The following PCLO variants were observed in gnomAD, a reference collection of about 807,000 sequenced individuals.
PCLO encodes piccolo presynaptic cytomatrix protein, also known as protein piccolo.
Under a neutral mutation model 427.5 loss-of-function variants are expected in PCLO, and 82 were observed. That is an observed-to-expected ratio of 0.19 (90% confidence interval 0.16 to 0.23). The LOEUF (loss-of-function observed/expected upper bound fraction) is 0.23, where lower values mean the gene tolerates loss of function less well. Ranked by LOEUF, PCLO falls within the 10% of genes least tolerant of loss-of-function variation. PCLO has a pLI of 1.00. For missense variants in PCLO, 6,239 were observed against 6,115.9 expected, an observed-to-expected ratio of 1.02 and a Z score of -0.67; for synonymous variants, 2,357 against 2,155.4, an observed-to-expected ratio of 1.09 and a Z score of -2.59.
At chr7:82,938,530 T>C (rs1795008201) in intron 6 of PCLO, among the ~76,000 whole-genome samples, 2 of 151,932 alleles carry the variant, frequency 1.3e-5, no homozygotes, top group South Asian at 2.1e-4. Context: ...CAAAAACTTA[T>C]TGGGGCAGCT....
At chr7:82,923,173 G>C (rs1417760062) in intron 6 of PCLO, among the ~76,000 whole-genome samples, 2 of 152,122 alleles carry the variant, frequency 1.3e-5, no homozygotes, top group East Asian at 1.9e-4. Flanking sequence ...GATTGATTAA[G>C]ATATAACAGG....
At position 82,916,787 on chromosome 7, in the gene PCLO, G is replaced by C. The variant is rs752991116; in HGVS notation, c.11199C>G (p.Ser3733=). The C allele has an allele frequency of 1.4e-5, 23 of 1,613,480 alleles. No homozygotes were observed. The South Asian group carries it at 2.4e-4, about 17-fold the overall frequency. ...TGCTGAATGTGGATTGAGTTCCTGT[G>C]GAAATCTCCTCAGGAGGTGGATTTG... ...TLPNPPPEEI[S]TGTQSTFSTM... is the part of the protein sequence containing the mutation. The change falls in exon 7 of 25, where the codon TCC becomes TCG. Residue 3733 remains serine, a synonymous_variant. Coordinates refer to ENST00000333891, the MANE Select transcript of PCLO (RefSeq NM_033026.6).
chr7:82,768,132 A>T (rs974463513), intron 22 of PCLO, among the ~76,000 whole-genome samples: 9 of 152,154 alleles, frequency 5.9e-5, no homozygotes, highest in Non-Finnish European at 1.2e-4. Context: ...AAATTAAAAC[A>T]TAGTATTAGG....
chr7:83,025,323 C>G (rs1486476813), intron 3 of PCLO, among the ~76,000 whole-genome samples: 1 of 150,698 alleles, frequency 6.6e-6, no homozygotes, highest in Non-Finnish European at 1.5e-5. Flanking sequence ...GCCTCAGGAG[C>G]CGATGCGATC....
At chr7:83,026,892 G>A (rs1181029338) in intron 3 of PCLO, among the ~76,000 whole-genome samples, 1 of 143,820 alleles carries the variant, frequency 7.0e-6, no homozygotes, top group Non-Finnish European at 1.5e-5. Flanking sequence ...AAATAAAGAT[G>A]TTCTTTGAAA....
In PCLO at chr7:82,847,171, C is replaced by A. The variant is rs752377609; in HGVS notation, c.13731G>T (p.Gln4577His). The change falls in exon 11 of 25, where the codon CAG becomes CAT. Residue 4577 changes from glutamine to histidine, a missense_variant. This residue lies in a region of PCLO where 877 missense variants were observed against 925.5 expected (regional missense o/e 0.95). Transcript: ENST00000333891. ...CACATATTTCTGCTTCCCCACTTTG[C>A]TGACTAATGATACTCTGAACTTCTT... is the stretch of plus-strand genomic sequence containing the variant. ...TYEEVQSIIS[Q>H]QSGEAEICVR... 11 of 1,602,210 alleles carry A rather than the reference C, an allele frequency of 6.9e-6. No individual in the cohort carries two copies. The South Asian group carries it at 1.1e-4, about 16-fold the overall frequency.
chr7:83,129,328 G>A (rs34551486), intron 3 of PCLO, among the ~76,000 whole-genome samples: 12,052 of 151,728 alleles, frequency 0.079, 521 homozygotes, highest in South Asian at 0.13. Flanking sequence ...TTCAAACATC[G>A]CACAGTTTTT....
At chr7:83,028,024 G>A (rs1302672162) in intron 3 of PCLO, among the ~76,000 whole-genome samples, 2 of 141,742 alleles carry the variant, frequency 1.4e-5, no homozygotes, top group African/African-American at 5.1e-5. Context: ...AAAACTGGAA[G>A]CATTCCCTTT....
rs1254321988 is a variant in PCLO at position 82,783,512 on chromosome 7, C to T, written c.15007+18006G>A. Among the ~76,000 whole-genome samples, 3 of 152,254 alleles carry T rather than the reference C, an allele frequency of 2.0e-5. No homozygotes were observed. In the East Asian group the frequency reaches 5.8e-4, roughly 29 times the overall value. On this transcript the variant is annotated intron_variant, in intron 22 of 24. Coordinates refer to ENST00000333891, the MANE Select transcript of PCLO (RefSeq NM_033026.6). ...TGGCGGGCTCCTGTAGTGCCAGCTA[C>T]TCAGGAGGCTGAGGCAGGAGAATGG...
At position 82,949,973 on chromosome 7, in the gene PCLO, T is replaced by C. The variant is rs1451747979; in HGVS notation, c.10615A>G (p.Ile3539Val). 3 of 1,613,632 alleles carry C rather than the reference T, an allele frequency of 1.9e-6. No individual in the cohort carries two copies. Among genetic ancestry groups the C allele is most frequent in the Non-Finnish European group, 2.5e-6 (3 of 1,179,820 alleles). The change falls in exon 6 of 25, where the codon ATA (isoleucine) becomes GTA (valine). Residue 3539 changes from isoleucine to valine, a missense_variant. Ile to Val is a conservative substitution (Grantham distance 29). Transcript: ENST00000333891. The part of the protein sequence containing the change: ...EPVGTIRTPS[I>V]RARVDAKVEI... ...ACCTTGGCATCCACTCGTGCCCGTA[T>C]GGAGGGTGTTCTTATGGTTCCAACT...
intron 3 of PCLO, among the ~76,000 whole-genome samples, chr7:82,976,562 T>C (rs947860976): frequency 6.6e-6 from 1 of 152,020 alleles, no homozygotes; most frequent in Admixed American, 6.5e-5. Context: ...CTTTTATCCA[T>C]GATTGTTGGT....
intron 20 of PCLO, among the ~76,000 whole-genome samples, chr7:82,814,588 C>G (rs1584002916): frequency 6.6e-6 from 1 of 151,166 alleles, no homozygotes; most frequent in East Asian, 1.9e-4. Context: ...ATTTAATAAT[C>G]CAAAGAACTT....
intron 3 of PCLO, among the ~76,000 whole-genome samples, chr7:83,031,780 C>G (rs1409110859): frequency 1.3e-5 from 2 of 148,764 alleles, no homozygotes; most frequent in African/African-American, 4.9e-5. Flanking sequence ...CTCACACACA[C>G]AAACACATAA....
At chr7:83,129,934 A>C (rs1238398792) in intron 3 of PCLO, among the ~76,000 whole-genome samples, 1 of 152,170 alleles carries the variant, frequency 6.6e-6, no homozygotes, top group African/African-American at 2.4e-5. Flanking sequence ...TGCTCATTGA[A>C]TATTTTAACT....
intron 22 of PCLO, among the ~76,000 whole-genome samples, chr7:82,786,110 A>G (rs556075334): frequency 7.2e-5 from 11 of 152,320 alleles, no homozygotes; most frequent in African/African-American, 2.6e-4. Flanking sequence ...GTGAAATGTG[A>G]TGGAAACCTA....
chr7:82,809,865 T>C (rs1791533005), intron 20 of PCLO, among the ~76,000 whole-genome samples: 1 of 151,632 alleles, frequency 6.6e-6, no homozygotes, highest in Non-Finnish European at 1.5e-5. Flanking sequence ...CATTCAACTA[T>C]ATTTTTTAAC....
chr7:82,841,729 G>A (rs756794162), intron 13 of PCLO, among the ~76,000 whole-genome samples: 7 of 151,784 alleles, frequency 4.6e-5, no homozygotes, highest in Non-Finnish European at 8.8e-5. Flanking sequence ...TTGGTAAGCC[G>A]GCTTTGAAGC....
intron 22 of PCLO, among the ~76,000 whole-genome samples, chr7:82,780,809 AATTT>A (rs1342775065): frequency 1.3e-5 from 2 of 152,232 alleles, no homozygotes; most frequent in African/African-American, 2.4e-5. Flanking sequence ...CTGTTACAAA[AATTT>A]ATTTTTTTGA....
In PCLO at chr7:83,162,855, C is replaced by G; in HGVS notation, c.-263G>C. ...AGAAGACACCTCCCGGACGCCGCCT[C>G]GGCGCCCCGAGCCGGGGAGAAGCAG... On this transcript the variant is annotated 5_prime_UTR_variant, in exon 1 of 25. Transcript: ENST00000333891. 2.0e-6 allele frequency: 1 copy of G among 510,136 alleles called. No homozygotes were observed. Among genetic ancestry groups the G allele is most frequent in the East Asian group, 3.5e-5 (1 of 28,206 alleles). The allele number at this position is 510,136 out of a possible 1,614,324, so 31.6% of individuals were successfully genotyped here.
Sources: gnomAD v4.1 joint callset for allele counts (sites outside exome capture counted in the v4.1 genomes callset) on GRCh38, gnomAD v4.1.1 for gene constraint, gnomAD v4.1.1 regional missense constraint, MANE v1.5 for transcripts, NCBI Gene and HGNC (gene_info 2026-07-23, HGNC 2026-07-21) for gene names.